CPQ: variants seen among roughly 807,000 people sequenced by gnomAD.
The protein encoded by CPQ is carboxypeptidase Q.
CPQ carries 37 observed loss-of-function variants against 45.7 expected under a neutral mutation model. The observed-to-expected ratio is 0.81, with a 90% CI of 0.62 to 1.07. The LOEUF is 1.07. Ranked by LOEUF, CPQ falls within the 50% of genes least tolerant of loss-of-function variation. The pLI is 0.00. For synonymous variants in CPQ, 186 were observed against 205.8 expected (o/e 0.90, Z 0.82); for missense variants, 537 against 572.9 (o/e 0.94, Z 0.64).
intron 2 of CPQ, among the ~76,000 whole-genome samples, chr8:96,808,877 A>G (rs1325143688): frequency 6.6e-6 from 1 of 152,204 alleles, no homozygotes; most frequent in Non-Finnish European, 1.5e-5. Flanking sequence ...GTTATCAGAC[A>G]GATGGCATAT....
intron 1 of CPQ, among the ~76,000 whole-genome samples, chr8:96,681,507 G>A (rs1809151775): frequency 6.6e-6 from 1 of 152,232 alleles, no homozygotes; most frequent in Admixed American, 6.5e-5. Context: ...TTCAGAGGAT[G>A]TATAGAAATG....
intron 6 of CPQ, among the ~76,000 whole-genome samples, chr8:97,060,351 G>C (rs1160219502): frequency 6.6e-6 from 1 of 152,118 alleles, no homozygotes; most frequent in Non-Finnish European, 1.5e-5. Context: ...AAAAGGAACA[G>C]AAGTGTTACA....
intron 1 of CPQ, among the ~76,000 whole-genome samples, chr8:96,744,764 G>T (rs1214923890): frequency 6.6e-6 from 1 of 152,078 alleles, no homozygotes; most frequent in Non-Finnish European, 1.5e-5. Flanking sequence ...TTTTAATCCA[G>T]TCTGACAATA....
intron 1 of CPQ, among the ~76,000 whole-genome samples, chr8:96,693,944 A>G (rs1247264851): frequency 6.6e-6 from 1 of 152,200 alleles, no homozygotes; most frequent in Non-Finnish European, 1.5e-5. Flanking sequence ...AGATATAAAT[A>G]GAACAATAAA....
Position 97,066,185 on chromosome 8 carries a change from CT to C in CPQ, c.1234del (p.Trp412GlyfsTer29). The C allele has an allele frequency of 6.2e-7, 1 of 1,610,268 alleles. No homozygotes were observed. Among genetic ancestry groups the C allele is most frequent in the Admixed American group, 1.7e-5 (1 of 59,060 alleles). On this transcript the variant is annotated frameshift_variant, in exon 7 of 8. Coordinates refer to ENST00000220763, the MANE Select transcript of CPQ (RefSeq NM_016134.4). LOFTEE classifies it high-confidence loss of function. ...GCCATGGAGAAGGGACAGACATCAA[CT>C]TTTGGATCCAAGCTGGAGTGCCTGG... ...LSHGEGTDIN[F>X]WIQAGVPGAS...
In CPQ at chr8:96,713,248, A is replaced by T. The variant is rs373324686; in HGVS notation, c.-35+67846A>T. On this transcript the variant is annotated intron_variant, in intron 1 of 7. Transcript: ENST00000220763. ...TCTAGGAAGTTTTAAACTTTTCCAC[A>T]TTTTCCTGTCTTCTTCTGAGCTCTC... Among the ~76,000 whole-genome samples, 39 of 152,168 alleles carry T rather than the reference A, an allele frequency of 2.6e-4. No homozygotes were observed. The East Asian group carries it at 6.4e-3, about 25-fold the overall frequency.
intron 6 of CPQ, among the ~76,000 whole-genome samples, chr8:97,055,125 T>G (rs1449949468): frequency 1.3e-5 from 2 of 152,166 alleles, no homozygotes; most frequent in Admixed American, 6.5e-5. Flanking sequence ...GGGAATATAG[T>G]GCCCTTAGAG....
chr8:96,849,226 C>T (rs1302546039), intron 3 of CPQ, among the ~76,000 whole-genome samples: 1 of 152,184 alleles, frequency 6.6e-6, no homozygotes, highest in Non-Finnish European at 1.5e-5. Flanking sequence ...ATAGCATACT[C>T]TGAATTACTG....
chr8:96,667,351 CTTTTTTT>C lies in CPQ; in HGVS notation c.-35+21960_-35+21966del, dbSNP rs376559950. The stretch of plus-strand genomic sequence containing the variant: ...TTCTAATTTTCAGGCTTATCTTTTT[CTTTTTTT>C]TTTTTTTTTTGAGAAAGTCTCACAC... On this transcript the variant is annotated intron_variant, in intron 1 of 7. Transcript: ENST00000220763. Among the ~76,000 whole-genome samples, 7 of 135,000 alleles carry C rather than the reference CTTTTTTT, an allele frequency of 5.2e-5. No individual in the cohort carries two copies. The East Asian group carries it at 1.1e-3, about 21-fold the overall frequency. The allele number at this position is 135,000 out of a possible 152,430, so 88.6% of individuals were successfully genotyped here.
At chr8:97,065,078 G>A (rs1810615070) in intron 6 of CPQ, among the ~76,000 whole-genome samples, 1 of 152,200 alleles carries the variant, frequency 6.6e-6, no homozygotes, top group Non-Finnish European at 1.5e-5. Context: ...TTTACTAGGT[G>A]AGTAATGAGG....
rs1360276607 is a variant in CPQ at position 97,034,092 on chromosome 8, ATAAAGGAT to A, written c.1053+4599_1053+4606del. ...AATTTACTAAACAATTTATTAAATTATAAAGGATGTGAGGCTATTTATAGCTTGTGTAT... is the reference window on the plus strand; with the variant it reads ...AATTTACTAAACAATTTATTAAATTAGTGAGGCTATTTATAGCTTGTGTAT... On this transcript the variant is annotated intron_variant, in intron 6 of 7. Transcript: ENST00000220763. Among the ~76,000 whole-genome samples, 448 of 152,298 alleles carry A rather than the reference ATAAAGGAT, an allele frequency of 2.9e-3. 1 individual carries two copies. Among genetic ancestry groups the A allele is most frequent in the African/African-American group, 9.3e-3 (385 of 41,574 alleles).
chr8:96,792,294 A>G (rs950173838), intron 2 of CPQ, among the ~76,000 whole-genome samples: 6 of 152,220 alleles, frequency 3.9e-5, no homozygotes, highest in Non-Finnish European at 5.9e-5. Context: ...TGGACCAAGT[A>G]AAAGAATGAG....
Position 96,679,815 on chromosome 8 carries a change from C to A in CPQ, c.-35+34413C>A, listed in dbSNP as rs1809126654. 2.1e-5 allele frequency among the ~76,000 whole-genome samples: 3 copies of A among 143,100 alleles called. No homozygotes were observed. In the South Asian group the frequency reaches 6.6e-4, roughly 31 times the overall value. The allele number at this position is 143,100 out of a possible 152,430, so 93.9% of individuals were successfully genotyped here. ...TTACTTGAATCTTTTCTTTCTTTTT[C>A]TTGGTTACTATAGCTAGCAGTTTGT... is the stretch of plus-strand genomic sequence containing the variant. On this transcript the variant is annotated intron_variant, in intron 1 of 7. Coordinates refer to ENST00000220763, the MANE Select transcript of CPQ (RefSeq NM_016134.4).
chr8:96,796,658 A>G lies in CPQ; in HGVS notation c.433+11328A>G, dbSNP rs1337578764. ...ACACATACTTTGGAACATCAGTGTCATTATTCGAAGATTGGTGAATGCCAT... is the reference window on the plus strand; with the variant it reads ...ACACATACTTTGGAACATCAGTGTCGTTATTCGAAGATTGGTGAATGCCAT... On this transcript the variant is annotated intron_variant, in intron 2 of 7. Coordinates refer to ENST00000220763, the MANE Select transcript of CPQ (RefSeq NM_016134.4). 2.0e-5 allele frequency among the ~76,000 whole-genome samples: 3 copies of G among 152,336 alleles called. No homozygotes were observed. The East Asian group carries it at 5.8e-4, about 29-fold the overall frequency.
At chr8:96,953,466 AT>A (rs1413928010) in intron 4 of CPQ, among the ~76,000 whole-genome samples, 13 of 152,222 alleles carry the variant, frequency 8.5e-5, no homozygotes, top group African/African-American at 3.1e-4. Flanking sequence ...CTTCTTGCAG[AT>A]GAAGCATCTA....
intron 4 of CPQ, among the ~76,000 whole-genome samples, chr8:96,919,626 G>A (rs1050960770): frequency 6.6e-5 from 10 of 152,098 alleles, no homozygotes; most frequent in African/African-American, 1.9e-4. Context: ...ACAACTATGC[G>A]GCCCCTGGAA....
chr8:96,843,253 T>C (rs1027416690), intron 3 of CPQ, among the ~76,000 whole-genome samples: 1 of 152,240 alleles, frequency 6.6e-6, no homozygotes. Context: ...TGACCTATAG[T>C]AAGTTTTAAG....
rs541951670 is a variant in CPQ at position 96,907,684 on chromosome 8, C to G, written c.849+27679C>G. 2.0e-5 allele frequency among the ~76,000 whole-genome samples: 3 copies of G among 152,030 alleles called. No individual in the cohort carries two copies. The East Asian group carries it at 5.8e-4, about 29-fold the overall frequency. On this transcript the variant is annotated intron_variant, in intron 4 of 7. Coordinates refer to ENST00000220763, the MANE Select transcript of CPQ (RefSeq NM_016134.4). ...CTTTGATGTGTTGTTCCTAGCCTCTCTATGGGCTTATATCTAGCATCCCAG... is the reference window on the plus strand; with the variant it reads ...CTTTGATGTGTTGTTCCTAGCCTCTGTATGGGCTTATATCTAGCATCCCAG...
chr8:97,014,508 G>C (rs1223157137), intron 5 of CPQ, among the ~76,000 whole-genome samples: 1 of 151,808 alleles, frequency 6.6e-6, no homozygotes, highest in Non-Finnish European at 1.5e-5. Context: ...AAACTAGCTG[G>C]GCATGGTGAC....
Sources: gnomAD v4.1 joint callset for allele counts (sites outside exome capture counted in the v4.1 genomes callset) on GRCh38, gnomAD v4.1.1 for gene constraint, MANE v1.5 for transcripts, NCBI Gene and HGNC (gene_info 2026-07-23, HGNC 2026-07-21) for gene names.